SEC24B: variants seen among roughly 807,000 people sequenced by gnomAD.
The protein encoded by SEC24B is protein transport protein Sec24B.
Under a neutral mutation model 142.8 loss-of-function variants are expected in SEC24B, and 45 were observed. That is an observed-to-expected ratio of 0.32 (90% CI 0.25 to 0.40). The LOEUF is 0.40. Ranked by LOEUF, SEC24B falls within the 10% of genes least tolerant of loss-of-function variation. The pLI is 1.00. For synonymous variants in SEC24B, 574 were observed against 568.2 expected, an observed-to-expected ratio of 1.01 and a Z score of -0.15; for missense variants, 1,409 against 1,526.8, an observed-to-expected ratio of 0.92 and a Z score of 1.29.
At chr4:109,526,475 G>A (rs1254773083) in intron 17 of SEC24B, 76 bp downstream of exon 17, 4 of 1,080,918 alleles carry the variant, frequency 3.7e-6, no homozygotes, top group African/African-American at 1.6e-5. Flanking sequence ...AGTGGAGTGG[G>A]GAAAAAGAAT....
intron 6 of SEC24B, among the ~76,000 whole-genome samples, chr4:109,503,360 A>G (rs1026741398): frequency 4.8e-4 from 73 of 151,770 alleles, no homozygotes; most frequent in African/African-American, 1.7e-3. Flanking sequence ...AGTAGCTGGG[A>G]TTACAGGCGC....
In SEC24B at chr4:109,521,116, G is replaced by T. The variant is rs753330527; in HGVS notation, c.2246-1G>T. On this transcript the variant is annotated splice_acceptor_variant, in intron 12 of 23. Coordinates refer to ENST00000265175, the MANE Select transcript of SEC24B (RefSeq NM_006323.5). LOFTEE classifies it high-confidence loss of function. The stretch of plus-strand genomic sequence containing the variant: ...GATTAAAATATGTGTTTTCCCTATA[G>T]ATGTTTTTCTACCTACACCGGATAG... 1.3e-6 allele frequency: 2 copies of T among 1,490,686 alleles called. No individual in the cohort carries two copies. Among genetic ancestry groups the T allele is most frequent in the South Asian group, 2.3e-5 (2 of 85,820 alleles). 92.3% of individuals were successfully genotyped at this position (1,490,686 alleles called of 1,614,324 possible).
intron 22 of SEC24B, among the ~76,000 whole-genome samples, chr4:109,534,966 C>T (rs1359245654): frequency 2.0e-5 from 3 of 152,050 alleles, no homozygotes; most frequent in Non-Finnish European, 4.4e-5. Context: ...GTGTGAGCCA[C>T]GGTGCTTGGC....
At position 109,525,519 on chromosome 4, in the gene SEC24B, A is replaced by C. The variant is rs766617017; in HGVS notation, c.2791+15A>C. On this transcript the variant is annotated intron_variant, in intron 16 of 23. Coordinates refer to ENST00000265175, the MANE Select transcript of SEC24B (RefSeq NM_006323.5). ...GTGTACTAAAGGTATGAAGTTGTAA[A>C]AGTTATATTTTATATTAAATACTTG... The C allele has an allele frequency of 6.4e-7, 1 of 1,561,476 alleles. No individual in the cohort carries two copies. Among genetic ancestry groups the C allele is most frequent in the Non-Finnish European group, 8.7e-7 (1 of 1,148,994 alleles).
chr4:109,487,356 G>GA (rs1380811704), intron 4 of SEC24B, among the ~76,000 whole-genome samples: 2 of 152,012 alleles, frequency 1.3e-5, no homozygotes, highest in African/African-American at 4.8e-5. Context: ...ATAAACAGAA[G>GA]AAAAAAATGT....
chr4:109,446,904 TG>T (rs1258278767), intron 1 of SEC24B, among the ~76,000 whole-genome samples: 1 of 152,196 alleles, frequency 6.6e-6, no homozygotes, highest in African/African-American at 2.4e-5. Flanking sequence ...CACTAAGCTT[TG>T]GGGGATAGGA....
chr4:109,502,134 T>C lies in SEC24B; in HGVS notation c.1489-4194T>C, dbSNP rs545870445. Among the ~76,000 whole-genome samples the C allele has an allele frequency of 5.9e-5, 9 of 152,312 alleles. 1 individual carries two copies. Among genetic ancestry groups the C allele is most frequent in the Non-Finnish European group, 8.8e-5 (6 of 68,026 alleles). Reference sequence around the variant, plus strand: ...GATCTGTGGTTAAAGCATTTCAGGCTGAGTAAACTGATATGCAAAGACTTA... The same window carrying C: ...GATCTGTGGTTAAAGCATTTCAGGCCGAGTAAACTGATATGCAAAGACTTA... On this transcript the variant is annotated intron_variant, in intron 6 of 23. Transcript: ENST00000265175.
intron 2 of SEC24B, among the ~76,000 whole-genome samples, chr4:109,467,779 C>T (rs535845691): frequency 3.3e-5 from 5 of 152,236 alleles, no homozygotes; most frequent in Admixed American, 2.6e-4. Context: ...TTGAAAATTT[C>T]TTGCTTAATA....
chr4:109,450,163 T>C (rs1451084047), intron 1 of SEC24B, among the ~76,000 whole-genome samples: 1 of 152,060 alleles, frequency 6.6e-6, no homozygotes, highest in Non-Finnish European at 1.5e-5. Context: ...CAGTGAACTA[T>C]GATCATACCT....
intron 3 of SEC24B, among the ~76,000 whole-genome samples, chr4:109,480,211 A>G (rs541750429): frequency 6.6e-6 from 1 of 151,880 alleles, no homozygotes; most frequent in South Asian, 2.1e-4. Flanking sequence ...TTTATTCTTA[A>G]TAGTTTTTTT....
intron 6 of SEC24B, among the ~76,000 whole-genome samples, chr4:109,495,509 G>A (rs1186466823): frequency 6.6e-6 from 1 of 152,114 alleles, no homozygotes; most frequent in Non-Finnish European, 1.5e-5. Flanking sequence ...CATAGAGAAG[G>A]GCCTCTGAGT....
At position 109,475,515 on chromosome 4, in the gene SEC24B, C is replaced by A. The variant is rs571455293; in HGVS notation, c.1060+2329C>A. On this transcript the variant is annotated intron_variant, in intron 3 of 23. Transcript: ENST00000265175. ...TTTTTTCTGTTTTTAGGGGAGACAT[C>A]AAATTTTTGTTTGGGTAGCCCCTAA... Among the ~76,000 whole-genome samples, 5 of 152,164 alleles carry A rather than the reference C, an allele frequency of 3.3e-5. No individual in the cohort carries two copies. The East Asian group carries it at 9.6e-4, about 29-fold the overall frequency.
chr4:109,493,887 G>A (rs182016485), intron 5 of SEC24B, among the ~76,000 whole-genome samples: 2 of 152,202 alleles, frequency 1.3e-5, no homozygotes, highest in East Asian at 1.9e-4. Flanking sequence ...GAGCTACCAC[G>A]CCCAGCCTCT....
chr4:109,471,095 A>G (rs1456478639), intron 2 of SEC24B, among the ~76,000 whole-genome samples: 1 of 152,160 alleles, frequency 6.6e-6, no homozygotes, highest in East Asian at 1.9e-4. Flanking sequence ...ATACACATAC[A>G]TACATGTGTA....
chr4:109,474,424 GTTT>G (rs71594186), intron 3 of SEC24B, among the ~76,000 whole-genome samples: 1 of 130,134 alleles, frequency 7.7e-6, no homozygotes. Flanking sequence ...TCTTCCTATT[GTTT>G]TTTTTTTTTT....
chr4:109,536,324 G>T (rs889335798), intron 22 of SEC24B, among the ~76,000 whole-genome samples: 1 of 152,124 alleles, frequency 6.6e-6, no homozygotes. Context: ...AAAATACAGT[G>T]TGGTAAAGAT....
At chr4:109,487,591 T>C (rs1365697033) in intron 4 of SEC24B, among the ~76,000 whole-genome samples, 2 of 152,376 alleles carry the variant, frequency 1.3e-5, no homozygotes, top group Admixed American at 1.3e-4. Flanking sequence ...ACATAAGTTT[T>C]CAATCAGGTA....
chr4:109,508,953 T>G (rs1317750751), intron 7 of SEC24B, among the ~76,000 whole-genome samples: 1 of 152,232 alleles, frequency 6.6e-6, no homozygotes, highest in South Asian at 2.1e-4. Flanking sequence ...ATCACAGAAC[T>G]TATATTCTCC....
intron 5 of SEC24B, among the ~76,000 whole-genome samples, chr4:109,494,080 G>A (rs992363964): frequency 1.1e-4 from 16 of 152,134 alleles, no homozygotes. Flanking sequence ...GTTTTGTGGT[G>A]CTTAGTCTCT....
Sources: allele counts gnomAD v4.1 joint callset (sites outside exome capture counted in the v4.1 genomes callset), GRCh38; gene constraint gnomAD v4.1.1; transcripts MANE v1.5; gene names NCBI Gene and HGNC (gene_info 2026-07-23, HGNC 2026-07-21).